TICRR: variants seen among roughly 807,000 people sequenced by gnomAD.
The protein encoded by TICRR is TOPBP1 interacting checkpoint and replication regulator.
In TICRR, 132 loss-of-function variants were observed where a neutral mutation model predicts 178.1. That is an observed-to-expected ratio of 0.74 (90% CI 0.64 to 0.86). The LOEUF is 0.86. Ranked by LOEUF, TICRR falls within the 40% of genes least tolerant of loss-of-function variation. TICRR has a pLI of 0.00. For synonymous variants in TICRR, 991 were observed against 900.7 expected, an observed-to-expected ratio of 1.10 and a Z score of -1.79; for missense variants, 2,587 against 2,334.3, an observed-to-expected ratio of 1.11 and a Z score of -2.23.
chr15:89,597,643 C>G (rs779183040), intron 7 of TICRR, among the ~76,000 whole-genome samples: 17 of 152,020 alleles, frequency 1.1e-4, no homozygotes, highest in Non-Finnish European at 2.4e-4. Context: ...ATTACTGTAG[C>G]TTTATAGTAA....
intron 15 of TICRR, among the ~76,000 whole-genome samples, chr15:89,613,109 G>A (rs1200493573): frequency 6.6e-6 from 1 of 152,126 alleles, no homozygotes; most frequent in South Asian, 2.1e-4. Flanking sequence ...ATTATTTATA[G>A]TGTAGGTCTG....
At chr15:89,611,251 T>C (rs1023234685) in intron 15 of TICRR, among the ~76,000 whole-genome samples, 4 of 152,198 alleles carry the variant, frequency 2.6e-5, no homozygotes, top group African/African-American at 9.6e-5. Context: ...TTCTACTTTA[T>C]TTGTGAAGGA....
intron 5 of TICRR, among the ~76,000 whole-genome samples, chr15:89,592,454 A>T (rs563419697): frequency 2.0e-5 from 3 of 152,194 alleles, no homozygotes; most frequent in Non-Finnish European, 4.4e-5. Context: ...TAAAGTGAGA[A>T]AATATTTATA....
intron 1 of TICRR, among the ~76,000 whole-genome samples, chr15:89,577,133 C>A (rs1962637411): frequency 6.6e-6 from 1 of 151,962 alleles, no homozygotes; most frequent in Non-Finnish European, 1.5e-5. Context: ...CTCAGGCAAT[C>A]CGCCTGCCTT....
Position 89,584,561 on chromosome 15 carries a change from C to A in TICRR, c.1176+34C>A, listed in dbSNP as rs143986243. 9.0e-4 allele frequency: 1,365 copies of A among 1,508,974 alleles called. 16 individuals are homozygous for A. The African/African-American group carries it at 0.017, about 19-fold the overall frequency. 93.5% of individuals were successfully genotyped at this position (1,508,974 alleles called of 1,614,324 possible). The stretch of plus-strand genomic sequence containing the variant: ...CCTCCACACGGGAAGTTATTCTTGT[C>A]TAACAACACACTGGTAAAGTGAAAT... On this transcript the variant is annotated intron_variant, in intron 3 of 21. Coordinates refer to ENST00000268138, the MANE Select transcript of TICRR (RefSeq NM_152259.4).
In TICRR at chr15:89,624,117, C is replaced by G; in HGVS notation, c.3807C>G (p.Pro1269=). 6.2e-7 allele frequency: 1 copy of G among 1,613,876 alleles called. No homozygotes were observed. The highest frequency in any genetic ancestry group is 2.2e-5 in the East Asian group (1 of 44,846). Reference sequence around the variant, plus strand: ...CTCAGAATCAAACACACCAACAGCCCCATGTCCTCAGAGCTGCTCGGGCAG... The same window carrying G: ...CTCAGAATCAAACACACCAACAGCCGCATGTCCTCAGAGCTGCTCGGGCAG... ...GTPQNQTHQQ[P]HVLRAARAEE... The change falls in exon 20 of 22, where the codon CCC becomes CCG. Residue 1269 remains proline, a synonymous_variant. Transcript: ENST00000268138.
In TICRR at chr15:89,623,780, T is replaced by TA; in HGVS notation, c.3474dup (p.Asp1159ArgfsTer8). On this transcript the variant is annotated frameshift_variant, in exon 20 of 22. Transcript: ENST00000268138. LOFTEE classifies it high-confidence loss of function. ...AAGCAGGCAGCTTTTAAGGAGTCCT[T>TA]AAAAGACTCCTCCTCACCCGGCCAT... The TA allele has an allele frequency of 6.2e-7, 1 of 1,613,826 alleles. No individual in the cohort carries two copies. The highest frequency in any genetic ancestry group is 8.5e-7 in the Non-Finnish European group (1 of 1,179,962).
intron 19 of TICRR, among the ~76,000 whole-genome samples, chr15:89,623,319 G>A (rs1963455937): frequency 6.6e-6 from 1 of 152,226 alleles, no homozygotes; most frequent in South Asian, 2.1e-4. Flanking sequence ...GAGCTAGAGA[G>A]TAGCTGCAGT....
Position 89,625,120 on chromosome 15 carries a change from GCT to G in TICRR, c.4814_4815del (p.Leu1605GlnfsTer13). The G allele has an allele frequency of 6.2e-7, 1 of 1,613,924 alleles. No individual in the cohort carries two copies. The highest frequency in any genetic ancestry group is 8.5e-7 in the Non-Finnish European group (1 of 1,180,006). On this transcript the variant is annotated frameshift_variant, in exon 20 of 22. Coordinates refer to ENST00000268138, the MANE Select transcript of TICRR (RefSeq NM_152259.4). LOFTEE classifies it high-confidence loss of function. ...TCTGGGAGAAGAGAGCTTCCTCCCT[GCT>G]CTCAGCATGCCCAGGGCCAGCAGGT... is the stretch of plus-strand genomic sequence containing the variant. ...SSLGEESFLP[A>X]LSMPRASRSL...
At chr15:89,611,250 A>G (rs1013851452) in intron 15 of TICRR, among the ~76,000 whole-genome samples, 2 of 151,942 alleles carry the variant, frequency 1.3e-5, no homozygotes, top group Admixed American at 1.3e-4. Flanking sequence ...TTTCTACTTT[A>G]TTTGTGAAGG....
At chr15:89,581,831 G>T (rs554196183) in intron 1 of TICRR, among the ~76,000 whole-genome samples, 59 of 152,292 alleles carry the variant, frequency 3.9e-4, no homozygotes, top group African/African-American at 1.4e-3. Flanking sequence ...ATGGAGGAAC[G>T]ATTAGAGGCA....
chr15:89,625,997 T>C lies in TICRR; in HGVS notation c.5538T>C (p.Ala1846=), dbSNP rs764504285. 1.9e-6 allele frequency: 3 copies of C among 1,611,508 alleles called. No homozygotes were observed. The South Asian group carries it at 3.3e-5, about 18-fold the overall frequency. Residue 1846 remains alanine (A), a synonymous_variant, in exon 21 of 22, where the codon GCT becomes GCC. Transcript: ENST00000268138. ...GCCTCTCTGCCAGTGCCCTCCAGGC[T>C]CTGACCCAGTCTCCGCTGCTGTTCC... ...RSCLSASALQ[A]LTQSPLLFQG...
rs759517607 is a variant in TICRR at position 89,602,879 on chromosome 15, G to C, written c.2651G>C (p.Arg884Thr). The C allele has an allele frequency of 2.0e-6, 3 of 1,520,200 alleles. No homozygotes were observed. Among genetic ancestry groups the C allele is most frequent in the African/African-American group, 1.4e-5 (1 of 70,520 alleles). 94.2% of individuals were successfully genotyped at this position (1,520,200 alleles called of 1,614,324 possible). Residue 884 changes from arginine to threonine, a missense_variant, in exon 13 of 22, where the codon AGA becomes ACA. Arg to Thr is a moderately conservative substitution (Grantham distance 71, BLOSUM62 -1). Transcript: ENST00000268138. Reference sequence around the variant, plus strand: ...ATTGAAATTCCTAAAGTGTCAAAGAGAGCTACGAAAAAAGTAAGTAAACCT... The same window carrying C: ...ATTGAAATTCCTAAAGTGTCAAAGACAGCTACGAAAAAAGTAAGTAAACCT... ...RQIEIPKVSK[R>T]ATKKENSHPA...
intron 1 of TICRR, among the ~76,000 whole-genome samples, chr15:89,579,361 T>G (rs1266939073): frequency 6.6e-6 from 1 of 152,166 alleles, no homozygotes; most frequent in Non-Finnish European, 1.5e-5. Context: ...TTTTGTTTTG[T>G]TTGAGACAGA....
At chr15:89,608,389 C>T (rs185742862) in intron 14 of TICRR, among the ~76,000 whole-genome samples, 9 of 152,214 alleles carry the variant, frequency 5.9e-5, no homozygotes. Context: ...CAAAGAAATG[C>T]CCAGGACTAG....
rs201869320 is a variant in TICRR, at chr15:89,602,814, A to G, written c.2586A>G (p.Arg862=). ...TTAAAAGGAAAAATGCATTAATAAG[A>G]CATAAAAGCATTGCTGAGGTTTCAC... The part of the protein sequence containing the change: ...AKKRRKNALI[R]HKSIAEVSQN... The change falls in exon 13 of 22, where the codon AGA becomes AGG. Residue 862 remains arginine, a synonymous_variant. Transcript: ENST00000268138. The G allele has an allele frequency of 7.5e-4, 1,130 of 1,506,972 alleles. 16 individuals are homozygous for G. In the South Asian group the frequency reaches 0.015, roughly 20 times the overall value. 93.4% of individuals were successfully genotyped at this position (1,506,972 alleles called of 1,614,324 possible).
Position 89,601,486 on chromosome 15 carries a change from C to A in TICRR, c.2248-3C>A. The A allele has an allele frequency of 6.2e-7, 1 of 1,614,142 alleles. No individual in the cohort carries two copies. The highest frequency in any genetic ancestry group is 8.5e-7 in the Non-Finnish European group (1 of 1,179,988). On this transcript the variant is annotated splice_polypyrimidine_tract_variant and splice_region_variant and intron_variant, in intron 10 of 21. Transcript: ENST00000268138. ...TATAGTAACGTTCTAAAATCTCCTT[C>A]AGGTGACAGATTTGCTGCGCATGGT...
intron 15 of TICRR, 54 bp downstream of exon 15, chr15:89,609,003 G>A (rs1466357306): frequency 2.9e-6 from 4 of 1,398,530 alleles, no homozygotes; most frequent in Non-Finnish European, 3.8e-6. Flanking sequence ...TGTAAGATTA[G>A]TAGTAATGTA....
intron 15 of TICRR, among the ~76,000 whole-genome samples, chr15:89,611,355 A>G (rs1963254019): frequency 6.6e-6 from 1 of 152,184 alleles, no homozygotes; most frequent in African/African-American, 2.4e-5. Context: ...CTGATGAGAA[A>G]TCAACTATTA....
Sources: gnomAD v4.1 joint callset for allele counts (sites outside exome capture counted in the v4.1 genomes callset) on GRCh38, gnomAD v4.1.1 for gene constraint, MANE v1.5 for transcripts, NCBI Gene and HGNC (gene_info 2026-07-23, HGNC 2026-07-21) for gene names.